USP16: variants seen among roughly 807,000 people sequenced by gnomAD.
USP16 encodes ubiquitin specific peptidase 16, also known as ubiquitin carboxyl-terminal hydrolase 16.
Under a neutral mutation model 95.9 loss-of-function variants are expected in USP16, and 77 were observed. The ratio of observed to expected loss-of-function variants is 0.80; its 90% CI spans 0.67 to 0.97. USP16 has a LOEUF of 0.97. USP16 is among the 50% of genes least tolerant of loss of function. The pLI, the probability that USP16 is intolerant of heterozygous loss-of-function variation, is 0.00. For synonymous variants in USP16, 303 were observed against 318.2 expected, an observed-to-expected ratio of 0.95 and a Z score of 0.51; for missense variants, 943 against 959.9, an observed-to-expected ratio of 0.98 and a Z score of 0.23.
rs149669301 is a variant in USP16, at chr21:29,046,653, T to A, written c.1357-14T>A. The A allele has an allele frequency of 1.8e-4, 281 of 1,582,364 alleles. 1 individual carries two copies. In the African/African-American group the frequency reaches 3.5e-3, roughly 20 times the overall value. ...TTTTTCTTTATTTTTTGATGCCGTA[T>A]ACTTTTTACCCAGAACCAACGAAGA... is the stretch of plus-strand genomic sequence containing the variant. On this transcript the variant is annotated splice_polypyrimidine_tract_variant and intron_variant, in intron 13 of 17. Transcript: ENST00000399976.
chr21:29,034,822 TTA>T lies in USP16; in HGVS notation c.241-13_241-12del. On this transcript the variant is annotated splice_polypyrimidine_tract_variant and intron_variant, in intron 3 of 17. Transcript: ENST00000399976. ...GTTTTTATGGCTTTGAGGTTTATGA[TTA>T]TGATTTTTTTAGGGCTGTGGCAGAA... The T allele has an allele frequency of 6.2e-7, 1 of 1,613,590 alleles. No individual in the cohort carries two copies. Among genetic ancestry groups the T allele is most frequent in the Non-Finnish European group, 8.5e-7 (1 of 1,179,552 alleles).
At chr21:29,037,174 A>G (rs1408458564) in intron 5 of USP16, 102 bp from the exon 6 acceptor site, 2 of 657,614 alleles carry the variant, frequency 3.0e-6, no homozygotes, top group Admixed American at 4.1e-5. Context: ...GGAAAGAATG[A>G]CTTCAGGTAA....
chr21:29,047,464 A>G, intron 14 of USP16, 143 bp downstream of exon 14: 1 of 992,022 alleles, frequency 1.0e-6, no homozygotes, highest in Non-Finnish European at 1.4e-6. Context: ...ATAGGATGGA[A>G]AAGTAGGACT....
In USP16 at chr21:29,040,595, T is replaced by C; in HGVS notation, c.952-14T>C. The C allele has an allele frequency of 7.6e-7, 1 of 1,324,400 alleles. No homozygotes were observed. The highest frequency in any genetic ancestry group is 1.4e-5 in the South Asian group (1 of 73,324). The allele number at this position is 1,324,400 out of a possible 1,614,324, so 82.0% of individuals were successfully genotyped here. ...AATTTAATAGTATATATATATCCAT[T>C]TTATTACTTTTAGAGAGTGAGTAAA... is the stretch of plus-strand genomic sequence containing the variant. On this transcript the variant is annotated splice_polypyrimidine_tract_variant and intron_variant, in intron 9 of 17. Transcript: ENST00000399976.
intron 16 of USP16, among the ~76,000 whole-genome samples, chr21:29,051,852 C>T (rs1182246339): frequency 6.6e-6 from 1 of 151,786 alleles, no homozygotes; most frequent in Non-Finnish European, 1.5e-5. Context: ...AAGTCTGGGC[C>T]AGTTGCTGTG....
Position 29,050,098 on chromosome 21 carries a change from T to A in USP16, c.2113T>A (p.Phe705Ile). 1 of 1,612,734 alleles carries A rather than the reference T, an allele frequency of 6.2e-7. No individual in the cohort carries two copies. The highest frequency in any genetic ancestry group is 8.5e-7 in the Non-Finnish European group (1 of 1,179,578). The change falls in exon 16 of 18, where the codon TTT becomes ATT. Residue 705 changes from phenylalanine to isoleucine, a missense_variant. Coordinates refer to ENST00000399976, the MANE Select transcript of USP16 (RefSeq NM_006447.3). ...TGTTATGCTTCTCTTTTAGGCTGGT[T>A]TTAACCTACGCAAAGTTAACAAACA... is the stretch of plus-strand genomic sequence containing the variant. ...LHLKRFQQAG[F>I]NLRKVNKHIK...
intron 3 of USP16, among the ~76,000 whole-genome samples, chr21:29,031,181 G>A (rs1029325238): frequency 4.6e-5 from 7 of 152,166 alleles, no homozygotes; most frequent in Admixed American, 6.5e-5. Flanking sequence ...GGGATGGATG[G>A]ACTAGACTGT....
intron 14 of USP16, among the ~76,000 whole-genome samples, chr21:29,047,591 C>T (rs762714155): frequency 1.3e-5 from 2 of 152,158 alleles, no homozygotes; most frequent in African/African-American, 4.8e-5. Flanking sequence ...ACCACAGCAT[C>T]CTGACACATA....
At chr21:29,044,333 C>T (rs550466229) in intron 13 of USP16, among the ~76,000 whole-genome samples, 50 of 152,064 alleles carry the variant, frequency 3.3e-4, no homozygotes, top group African/African-American at 1.2e-3. Flanking sequence ...TACAAATATG[C>T]AGTCTTGGTT....
chr21:29,038,940 G>C lies in USP16; in HGVS notation c.733-86G>C, dbSNP rs889815915. 7.7e-6 allele frequency: 10 copies of C among 1,301,078 alleles called. No homozygotes were observed. The African/African-American group carries it at 1.5e-4, about 20-fold the overall frequency. 80.6% of individuals were successfully genotyped at this position (1,301,078 alleles called of 1,614,324 possible). A position where few individuals can be genotyped will look rare whatever the true frequency, so the allele number is the denominator to read the frequency against. Reference sequence around the variant, plus strand: ...TGGGGCAGTTCTGTCAGGAACATTGGTAGTATATGTTAACTAATTAGATTT... The same window carrying C: ...TGGGGCAGTTCTGTCAGGAACATTGCTAGTATATGTTAACTAATTAGATTT... On this transcript the variant is annotated intron_variant, in intron 7 of 17. Coordinates refer to ENST00000399976, the MANE Select transcript of USP16 (RefSeq NM_006447.3).
intron 13 of USP16, 26 bp downstream of exon 13, chr21:29,043,625 T>G (rs781140970): frequency 6.7e-7 from 1 of 1,486,650 alleles, no homozygotes; most frequent in East Asian, 2.5e-5. Flanking sequence ...GAAAATCATA[T>G]GCTTGTAATT....
Position 29,027,907 on chromosome 21 carries a change from T to C in USP16, c.-7T>C. 1 of 1,613,592 alleles carries C rather than the reference T, an allele frequency of 6.2e-7. No homozygotes were observed. The highest frequency in any genetic ancestry group is 8.5e-7 in the Non-Finnish European group (1 of 1,179,732). On this transcript the variant is annotated 5_prime_UTR_variant, in exon 2 of 18. Transcript: ENST00000399976. ...TTGTGTCAGTAAGTAATCCATAAAG[T>C]GCCAACATGGGAAAGAAACGGACAA...
Position 29,054,149 on chromosome 21 carries a change from TCA to T in USP16, c.2437_2438del (p.Gln813SerfsTer7). 2 of 1,614,138 alleles carry T rather than the reference TCA, an allele frequency of 1.2e-6. No individual in the cohort carries two copies. The highest frequency in any genetic ancestry group is 1.7e-6 in the Non-Finnish European group (2 of 1,179,978). ...QAVPTTKVLN[S>X]QAYLLFYERI... ...TGTGCCTACAACTAAAGTACTAAAC[TCA>T]CAAGCGTACCTCCTATTTTATGAGA... is the stretch of plus-strand genomic sequence containing the variant. On this transcript the variant is annotated frameshift_variant, in exon 18 of 18. Coordinates refer to ENST00000399976, the MANE Select transcript of USP16 (RefSeq NM_006447.3). LOFTEE classifies it high-confidence loss of function.
At chr21:29,054,027 C>A in intron 17 of USP16, 39 bp from the exon 18 acceptor site, 4 of 1,613,586 alleles carry the variant, frequency 2.5e-6, no homozygotes, top group Non-Finnish European at 3.4e-6. Flanking sequence ...CAACTTGAAT[C>A]TTTCCATTTA....
At chr21:29,041,341 G>C (rs1449592373) in intron 10 of USP16, among the ~76,000 whole-genome samples, 1 of 152,128 alleles carries the variant, frequency 6.6e-6, no homozygotes, top group Non-Finnish European at 1.5e-5. Context: ...TCAGAAAAGT[G>C]TGGTTCTGCA....
chr21:29,042,870 G>C (rs540172735), intron 12 of USP16: 1 of 181,364 alleles, frequency 5.5e-6, no homozygotes, highest in African/African-American at 2.4e-5. Flanking sequence ...AAATGTTAAA[G>C]AGTATTATTT....
At chr21:29,033,943 T>C (rs1009944624) in intron 3 of USP16, among the ~76,000 whole-genome samples, 1 of 152,148 alleles carries the variant, frequency 6.6e-6, no homozygotes, top group African/African-American at 2.4e-5. Flanking sequence ...TCTGGATAAA[T>C]AGAATAATGT....
rs1459629061 is a variant in USP16 at position 29,034,837 on chromosome 21, G to C, written c.241G>C (p.Gly81Arg). The C allele has an allele frequency of 6.2e-7, 1 of 1,613,680 alleles. No individual in the cohort carries two copies. The highest frequency in any genetic ancestry group is 1.1e-5 in the South Asian group (1 of 91,068). The stretch of plus-strand genomic sequence containing the variant: ...AGGTTTATGATTATGATTTTTTTAG[G>C]GCTGTGGCAGAAATTCTCAGGAGCA... Reference protein sequence around the residue: ...VWLCLKCGHQGCGRNSQEQHA... With the variant: ...VWLCLKCGHQRCGRNSQEQHA... Residue 81 changes from glycine to arginine, a missense_variant and splice_region_variant, in exon 4 of 18, where the codon GGC (glycine) becomes CGC (arginine). Gly to Arg is a moderately radical substitution (Grantham distance 125, BLOSUM62 -2). Transcript: ENST00000399976.
chr21:29,028,076 C>T lies in USP16; in HGVS notation c.61+102C>T, dbSNP rs1034710228. 14 of 823,820 alleles carry T rather than the reference C, an allele frequency of 1.7e-5. No individual in the cohort carries two copies. The African/African-American group carries it at 2.1e-4, about 12-fold the overall frequency. The allele number at this position is 823,820 out of a possible 1,614,324, so 51.0% of individuals were successfully genotyped here. On this transcript the variant is annotated intron_variant, in intron 2 of 17. Coordinates refer to ENST00000399976, the MANE Select transcript of USP16 (RefSeq NM_006447.3). ...CTGCATATTATTGTTATATTATCTG[C>T]ATTTTAATATAATGTTTGTATCTAT...
Sources: allele counts gnomAD v4.1 joint callset (sites outside exome capture counted in the v4.1 genomes callset), GRCh38; gene constraint gnomAD v4.1.1; transcripts MANE v1.5; gene names NCBI Gene and HGNC (gene_info 2026-07-23, HGNC 2026-07-21).